Variants in CCDC88C observed in about 807,000 individuals in gnomAD.
CCDC88C encodes the protein coiled-coil and HOOK domain protein 88C.
A neutral mutation model predicts 198.8 loss-of-function variants in CCDC88C; 131 were observed. The ratio of observed to expected loss-of-function variants is 0.66; its 90% CI spans 0.57 to 0.76. CCDC88C has a LOEUF of 0.76. Among genes scored for constraint, CCDC88C ranks in the 30% least tolerant of loss-of-function variants. The probability of loss-of-function intolerance (pLI) is 0.00; values close to 1 mark genes in which losing one functional copy is unlikely to be tolerated. For synonymous variants in CCDC88C, 1,166 were observed against 1,114.7 expected, an observed-to-expected ratio of 1.05 and a Z score of -0.92; for missense variants, 2,553 against 2,631.6, an observed-to-expected ratio of 0.97 and a Z score of 0.65.
Position 91,359,644 on chromosome 14 carries a change from G to C in CCDC88C, c.338C>G (p.Ser113Cys), listed in dbSNP as rs765499104. Residue 113 changes from serine (S) to cysteine (C), a missense_variant and splice_region_variant, in exon 4 of 30, where the codon TCT becomes TGT. Coordinates refer to ENST00000389857, the MANE Select transcript of CCDC88C (RefSeq NM_001080414.4). ...NVLMIGRDPL[S>C]GKSMEEIKKV... The stretch of plus-strand genomic sequence containing the variant: ...AGAAGGGAGCGGCTTTCACTCACCA[G>C]ACAGTGGGTCTCTGCCAATCATCAA... 2.5e-6 allele frequency: 4 copies of C among 1,606,024 alleles called. No homozygotes were observed. In the South Asian group the frequency reaches 4.5e-5, roughly 18 times the overall value.
intron 3 of CCDC88C, among the ~76,000 whole-genome samples, chr14:91,386,673 A>G (rs1052757714): frequency 6.6e-6 from 1 of 152,200 alleles, no homozygotes; most frequent in African/African-American, 2.4e-5. Context: ...GCCACCTTTT[A>G]GACTTTCCAC....
Position 91,273,018 on chromosome 14 carries a change from G to A in CCDC88C, c.5694C>T (p.Pro1898=). The change falls in exon 30 of 30, where the codon CCC becomes CCT. Residue 1898 remains proline, a synonymous_variant. Coordinates refer to ENST00000389857, the MANE Select transcript of CCDC88C (RefSeq NM_001080414.4). The surrounding 1 kb of genome is among the most constrained non-coding windows in gnomAD (Gnocchi z 5.6). ...LAPPKEERLA[P]LHQSATAPAI... ...CGGGGGCTGTGGCAGACTGATGCAG[G>A]GGGGCCAGCCTCTCCTCCTTTGGGG... The A allele has an allele frequency of 6.4e-7, 1 of 1,554,910 alleles. No homozygotes were observed. The highest frequency in any genetic ancestry group is 1.2e-5 in the South Asian group (1 of 85,524).
intron 13 of CCDC88C, among the ~76,000 whole-genome samples, chr14:91,318,917 C>CAAAAAAAAAAAAAAAAAAAAAAAAAAA (rs61183857): frequency 9.5e-6 from 1 of 105,288 alleles, no homozygotes. Flanking sequence ...AGACTCCGTC[C>CAAAAAAAAAAAAAAAAAAAAAAAAAAA]AAAAAAAAAA....
At chr14:91,373,195 C>T (rs1894905770) in intron 3 of CCDC88C, among the ~76,000 whole-genome samples, 1 of 152,156 alleles carries the variant, frequency 6.6e-6, no homozygotes, top group African/African-American at 2.4e-5. Flanking sequence ...CTGCTGGGGC[C>T]ACCTTCTCTC....
In CCDC88C at chr14:91,303,964, C is replaced by T. The variant is rs112741231; in HGVS notation, c.3372G>A (p.Thr1124=). The change falls in exon 20 of 30, where the codon ACG becomes ACA. Residue 1124 remains threonine (T), a synonymous_variant. Coordinates refer to ENST00000389857, the MANE Select transcript of CCDC88C (RefSeq NM_001080414.4). ...QTAKLQVENS[T]LSSQSAALTA... ...TGAGCGCTGCGCTCTGGGAACTCAG[C>T]GTGGAGTTCTCCACCTGCCGAGAGG... The T allele has an allele frequency of 4.3e-3, 6,873 of 1,602,506 alleles. 192 individuals carry two copies. In the African/African-American group the frequency reaches 0.068, roughly 16 times the overall value.
intron 21 of CCDC88C, among the ~76,000 whole-genome samples, chr14:91,297,809 T>A (rs1459749006): frequency 6.6e-6 from 1 of 152,196 alleles, no homozygotes; most frequent in Non-Finnish European, 1.5e-5. Context: ...ACTTCCATGC[T>A]ACAGCTTTGG....
chr14:91,287,513 A>G (rs989459007), intron 25 of CCDC88C, among the ~76,000 whole-genome samples: 1 of 151,972 alleles, frequency 6.6e-6, no homozygotes, highest in African/African-American at 2.4e-5. Flanking sequence ...AAAAATATAT[A>G]TATTGGTAGA....
chr14:91,416,812 G>A lies in CCDC88C; in HGVS notation c.87C>T (p.Ser29=), dbSNP rs1292600586. The A allele has an allele frequency of 3.7e-6, 6 of 1,613,364 alleles. No homozygotes were observed. The Admixed American group carries it at 8.3e-5, about 22-fold the overall frequency. ...ACATAGTCAGGTTGTCCTGGCTGCC[G>A]CTTCCAAACGGGCCAAAAGTTTTCA... ...TWVKTFGPFG[S]GSQDNLTMYM... The change falls in exon 2 of 30, where the codon AGC becomes AGT. Residue 29 remains serine (S), a synonymous_variant. Transcript: ENST00000389857.
At chr14:91,358,428 C>T (rs529283704) in intron 4 of CCDC88C, among the ~76,000 whole-genome samples, 1 of 152,182 alleles carries the variant, frequency 6.6e-6, no homozygotes, top group South Asian at 2.1e-4. Context: ...GGCCCCAGAC[C>T]TAAGGTTTCA....
chr14:91,303,255 T>G (rs1267739845), intron 20 of CCDC88C, among the ~76,000 whole-genome samples: 1 of 117,954 alleles, frequency 8.5e-6, no homozygotes, highest in Non-Finnish European at 1.8e-5. Flanking sequence ...CCCCGGGCCC[T>G]GCCCACTTCC....
chr14:91,391,059 C>T (rs1399991059), intron 3 of CCDC88C, among the ~76,000 whole-genome samples: 1 of 152,190 alleles, frequency 6.6e-6, no homozygotes, highest in African/African-American at 2.4e-5. Context: ...AGTCCTAACA[C>T]CCACTGCCTT....
chr14:91,309,564 CATA>C (rs1382245017), intron 16 of CCDC88C, among the ~76,000 whole-genome samples: 3 of 139,172 alleles, frequency 2.2e-5, no homozygotes, highest in Non-Finnish European at 4.5e-5. Flanking sequence ...AAGCCGAAAT[CATA>C]ATACTACACT....
chr14:91,366,486 A>AAAATATAAAAAT (rs1431395857), intron 3 of CCDC88C, among the ~76,000 whole-genome samples: 1 of 149,720 alleles, frequency 6.7e-6, no homozygotes, highest in African/African-American at 2.6e-5. Flanking sequence ...ACGGTCTAAA[A>AAAATATAAAAAT]AAATATAAAA....
intron 14 of CCDC88C, 21 bp downstream of exon 14, chr14:91,315,629 G>A (rs751133828): frequency 3.8e-5 from 62 of 1,613,544 alleles, no homozygotes; most frequent in South Asian, 2.2e-4. Flanking sequence ...TAGGAGAGGC[G>A]TTAGTGGTGG....
intron 3 of CCDC88C, among the ~76,000 whole-genome samples, chr14:91,366,261 G>A (rs149259189): frequency 0.058 from 8,805 of 151,956 alleles, 857 homozygotes; most frequent in African/African-American, 0.2. Context: ...CAAGGCGAGC[G>A]GGTCACCTGA....
intron 6 of CCDC88C, among the ~76,000 whole-genome samples, chr14:91,340,730 T>C (rs1285793): frequency 0.012 from 1,826 of 152,190 alleles, 30 homozygotes; most frequent in East Asian, 0.022. Flanking sequence ...AACAATGAAA[T>C]CAGGGGTATC....
intron 5 of CCDC88C, among the ~76,000 whole-genome samples, chr14:91,343,183 C>T (rs553543132): frequency 1.1e-4 from 17 of 152,242 alleles, no homozygotes; most frequent in Middle Eastern, 3.4e-3. Flanking sequence ...CTTGAACTCC[C>T]GACCTCAAGC....
chr14:91,412,792 GATGGAA>G, intron 2 of CCDC88C, among the ~76,000 whole-genome samples: 1 of 152,230 alleles, frequency 6.6e-6, no homozygotes, highest in African/African-American at 2.4e-5. Context: ...GCAGCCAAAA[GATGGAA>G]ATTACTTAAG....
chr14:91,364,440 G>C (rs901817621), intron 3 of CCDC88C, among the ~76,000 whole-genome samples: 1 of 152,204 alleles, frequency 6.6e-6, no homozygotes. Context: ...TGAACAAAGG[G>C]TCAGAGGCAG....
Sources: allele counts gnomAD v4.1 joint callset (sites outside exome capture counted in the v4.1 genomes callset), GRCh38; gene constraint gnomAD v4.1.1; non-coding constraint Gnocchi (gnomAD v3.1); transcripts MANE v1.5; gene names NCBI Gene and HGNC (gene_info 2026-07-23, HGNC 2026-07-21).